Variants in CD5 observed in about 807,000 individuals in gnomAD.
CD5 encodes the protein T-cell surface glycoprotein CD5.
Under a neutral mutation model 60.3 loss-of-function variants are expected in CD5, and 36 were observed. The ratio of observed to expected loss-of-function variants is 0.60; its 90% CI spans 0.46 to 0.79. CD5 has a LOEUF of 0.79. Among genes scored for constraint, CD5 ranks in the 30% least tolerant of loss-of-function variants. The pLI, the probability that CD5 is intolerant of heterozygous loss-of-function variation, is 0.00. For missense variants in CD5, 540 were observed against 630.6 expected (o/e 0.86, Z 1.54); for synonymous variants, 230 against 257.6 (o/e 0.89, Z 1.03).
At chr11:61,116,702 CACACACCACATGCACACT>C in intron 2 of CD5, among the ~76,000 whole-genome samples, 1 of 59,438 alleles carries the variant, frequency 1.7e-5, no homozygotes, top group Non-Finnish European at 3.5e-5. Flanking sequence ...ATACACACCA[CACACACCACATGCACACT>C]ATACACACCA....
At chr11:61,109,656 G>A (rs1345087811) in intron 1 of CD5, among the ~76,000 whole-genome samples, 2 of 152,140 alleles carry the variant, frequency 1.3e-5, no homozygotes, top group African/African-American at 4.8e-5. Context: ...GGACAGGGAG[G>A]AGGATATCCT....
intron 8 of CD5, among the ~76,000 whole-genome samples, chr11:61,124,265 G>A (rs566867620): frequency 3.9e-5 from 6 of 152,310 alleles, no homozygotes; most frequent in African/African-American, 1.4e-4. Flanking sequence ...CAACACAGTA[G>A]CCAGTGGATG....
At chr11:61,104,697 G>A (rs987079096) in intron 1 of CD5, among the ~76,000 whole-genome samples, 8 of 152,326 alleles carry the variant, frequency 5.3e-5, no homozygotes, top group Admixed American at 2.6e-4. Flanking sequence ...AGTGGGTAAC[G>A]GTTTACAAAG....
At chr11:61,120,652 A>G (rs964489983) in intron 5 of CD5, among the ~76,000 whole-genome samples, 22 of 152,146 alleles carry the variant, frequency 1.4e-4, no homozygotes, top group African/African-American at 5.3e-4. Flanking sequence ...CAAGGTCCTC[A>G]GTGATTTATG....
At chr11:61,120,383 A>C (rs1350994449) in intron 5 of CD5, among the ~76,000 whole-genome samples, 1 of 152,016 alleles carries the variant, frequency 6.6e-6, no homozygotes, top group Non-Finnish European at 1.5e-5. Context: ...GGACATTCTA[A>C]ATTTTTCACA....
chr11:61,119,312 TG>T lies in CD5; in HGVS notation c.548del (p.Gly183ValfsTer28), dbSNP rs1266056996. 4 of 1,613,888 alleles carry T rather than the reference TG, an allele frequency of 2.5e-6. No homozygotes were observed. Among genetic ancestry groups the T allele is most frequent in the Non-Finnish European group, 2.5e-6 (3 of 1,180,012 alleles). ...GTGGTGGAGTTCTACAGCGGCAGCC[TG>T]GGGGGTACCATCAGCTATGAGGCCC... ...AGVVEFYSGSLGGTISYEAQD... is the reference protein window; with the variant it reads ...AGVVEFYSGSXGGTISYEAQD... On this transcript the variant is annotated frameshift_variant, in exon 5 of 11. Transcript: ENST00000347785. LOFTEE classifies it high-confidence loss of function.
At chr11:61,124,021 GACGGA>G in intron 8 of CD5, 84 bp downstream of exon 8, 2 of 1,103,378 alleles carry the variant, frequency 1.8e-6, no homozygotes, top group Non-Finnish European at 2.7e-6. Flanking sequence ...GCTGACCACA[GACGGA>G]GCCTGTGGCT....
chr11:61,118,062 C>A lies in CD5; in HGVS notation c.95-113C>A. On this transcript the variant is annotated intron_variant, in intron 2 of 10. Coordinates refer to ENST00000347785, the MANE Select transcript of CD5 (RefSeq NM_014207.4). The surrounding 1 kb of genome is among the most constrained non-coding windows in gnomAD (Gnocchi z 4.7). ...CGAAGCTCACAAGGGGCAAGGCAGGCAGCCCACGGGGCAGGAGGGAGCTCA... is the reference window on the plus strand; with the variant it reads ...CGAAGCTCACAAGGGGCAAGGCAGGAAGCCCACGGGGCAGGAGGGAGCTCA... 1.8e-6 allele frequency: 2 copies of A among 1,113,040 alleles called. No individual in the cohort carries two copies. Among genetic ancestry groups the A allele is most frequent in the Non-Finnish European group, 2.6e-6 (2 of 771,048 alleles). 68.9% of individuals were successfully genotyped at this position (1,113,040 alleles called of 1,614,324 possible). A position where few individuals can be genotyped will look rare whatever the true frequency, so the allele number is the denominator to read the frequency against.
rs1565187485 is a variant in CD5 at position 61,122,995 on chromosome 11, G to A, written c.1188G>A (p.Val396=). 3 of 1,613,998 alleles carry A rather than the reference G, an allele frequency of 1.9e-6. No individual in the cohort carries two copies. Among genetic ancestry groups the A allele is most frequent in the Non-Finnish European group, 2.5e-6 (3 of 1,179,930 alleles). The change falls in exon 7 of 11, where the codon GTG becomes GTA. Residue 396 remains valine (V), a synonymous_variant. Coordinates refer to ENST00000347785, the MANE Select transcript of CD5 (RefSeq NM_014207.4). Reference sequence around the variant, plus strand: ...TGCTCCTGGTGGTGCTGCTGGTCGTGTGCGGCCCCCTTGCCTACAAGAAGC... The same window carrying A: ...TGCTCCTGGTGGTGCTGCTGGTCGTATGCGGCCCCCTTGCCTACAAGAAGC... The part of the protein sequence containing the change: ...ALVLLVVLLV[V]CGPLAYKKLV...
At chr11:61,103,629 G>C (rs1281707473) in intron 1 of CD5, among the ~76,000 whole-genome samples, 2 of 140,386 alleles carry the variant, frequency 1.4e-5, no homozygotes, top group Non-Finnish European at 3.1e-5. Context: ...CTGTGTGTAC[G>C]TGTGTGAGAA....
At chr11:61,116,877 T>C (rs1387504058) in intron 2 of CD5, among the ~76,000 whole-genome samples, 5 of 132,568 alleles carry the variant, frequency 3.8e-5, no homozygotes, top group African/African-American at 1.4e-4. Flanking sequence ...CCACACACAC[T>C]ACACCACACA....
At chr11:61,096,242 C>T in the CD5 span, among the ~76,000 whole-genome samples, 1 of 152,196 alleles carries the variant, frequency 6.6e-6, no homozygotes, top group South Asian at 2.1e-4. Flanking sequence ...ATAAGTGTCC[C>T]CAACTGAAGG....
chr11:61,114,461 T>C (rs1860907081), intron 1 of CD5, among the ~76,000 whole-genome samples: 1 of 151,846 alleles, frequency 6.6e-6, no homozygotes, highest in South Asian at 2.1e-4. Flanking sequence ...CATGCATACA[T>C]ACATACATAC....
upstream of CD5, among the ~76,000 whole-genome samples, chr11:61,101,907 TCTCTAC>T (rs1590763967): frequency 7.4e-6 from 1 of 134,372 alleles, no homozygotes; most frequent in South Asian, 2.6e-4. Flanking sequence ...GATCTCTCTC[TCTCTAC>T]ACACACACAC....
At chr11:61,116,870 CACACACTACACCACACAG>C (rs1405493824) in intron 2 of CD5, among the ~76,000 whole-genome samples, 3 of 151,200 alleles carry the variant, frequency 2.0e-5, no homozygotes, top group Admixed American at 6.6e-5. Context: ...ACACACACCA[CACACACTACACCACACAG>C]ACACACACAC....
upstream of CD5, among the ~76,000 whole-genome samples, chr11:61,101,027 C>A: frequency 8.0e-6 from 1 of 124,810 alleles, no homozygotes; most frequent in African/African-American, 3.0e-5. Flanking sequence ...AGATCACACA[C>A]ACACATCAAC....
chr11:61,097,994 G>C (rs756721642), upstream of CD5, among the ~76,000 whole-genome samples: 78 of 152,296 alleles, frequency 5.1e-4, no homozygotes, highest in Non-Finnish European at 9.0e-4. Flanking sequence ...GGGTCTATGG[G>C]AAATTTAACC....
rs549114541 is a variant in CD5, at chr11:61,124,396, G to A, written c.1279+459G>A. 3.9e-5 allele frequency among the ~76,000 whole-genome samples: 6 copies of A among 152,204 alleles called. No homozygotes were observed. The South Asian group carries it at 1.2e-3, about 32-fold the overall frequency. ...GAACCTTAATGGGCATTTTTGTATTGCCCATCTCCAAAGCAAGGATCCATT... is the reference window on the plus strand; with the variant it reads ...GAACCTTAATGGGCATTTTTGTATTACCCATCTCCAAAGCAAGGATCCATT... On this transcript the variant is annotated intron_variant, in intron 8 of 10. Transcript: ENST00000347785.
chr11:61,110,898 T>G lies in CD5; in HGVS notation c.56-4158T>G, dbSNP rs116818600. Among the ~76,000 whole-genome samples, 860 of 152,094 alleles carry G rather than the reference T, an allele frequency of 5.7e-3. 8 individuals are homozygous for G. Among genetic ancestry groups the G allele is most frequent in the African/African-American group, 0.02 (833 of 41,472 alleles). On this transcript the variant is annotated intron_variant, in intron 1 of 10. Coordinates refer to ENST00000347785, the MANE Select transcript of CD5 (RefSeq NM_014207.4). ...GTGATGATGATGGTGACGGTGATGG[T>G]GATGATGATGGTGACGGTGATAGAG... is the stretch of plus-strand genomic sequence containing the variant.
Sources: allele counts gnomAD v4.1 joint callset (sites outside exome capture counted in the v4.1 genomes callset), GRCh38; gene constraint gnomAD v4.1.1; non-coding constraint Gnocchi (gnomAD v3.1); transcripts MANE v1.5; gene names NCBI Gene and HGNC (gene_info 2026-07-23, HGNC 2026-07-21).